CDC14A: variants seen among roughly 807,000 people sequenced by gnomAD.
CDC14A encodes dual specificity protein phosphatase CDC14A.
Under a neutral mutation model 74.4 loss-of-function variants are expected in CDC14A, and 53 were observed. The ratio of observed to expected loss-of-function variants is 0.71; its 90% CI spans 0.57 to 0.89. The LOEUF is 0.89. CDC14A is among the 40% of genes least tolerant of loss of function. The pLI is 0.00. For missense variants in CDC14A, 646 were observed against 713.7 expected (o/e 0.91, Z 1.08); for synonymous variants, 247 against 258.4 (o/e 0.96, Z 0.43).
rs770717274 is a variant in CDC14A, at chr1:100,390,914, A to T, written c.309+90A>T. On this transcript the variant is annotated intron_variant, in intron 4 of 15. Transcript: ENST00000336454. ...AAATCCAAACCAGTTTTTCAGTGGGATTGAGAGACGGTGGAGATTATTAGC... is the reference window on the plus strand; with the variant it reads ...AAATCCAAACCAGTTTTTCAGTGGGTTTGAGAGACGGTGGAGATTATTAGC... 3.4e-6 allele frequency: 3 copies of T among 885,180 alleles called. No individual in the cohort carries two copies. The Admixed American group carries it at 5.7e-5, about 17-fold the overall frequency. The allele number at this position is 885,180 out of a possible 1,614,324, so 54.8% of individuals were successfully genotyped here.
chr1:100,439,491 A>G (rs1664694584), intron 5 of CDC14A, among the ~76,000 whole-genome samples: 1 of 152,218 alleles, frequency 6.6e-6, no homozygotes, highest in South Asian at 2.1e-4. Flanking sequence ...AATAGTCATA[A>G]TATTTATGAA....
intron 3 of CDC14A, among the ~76,000 whole-genome samples, chr1:100,378,772 GT>G (rs1217450516): frequency 6.6e-6 from 1 of 152,118 alleles, no homozygotes; most frequent in Admixed American, 6.5e-5. Flanking sequence ...AATAAAATCT[GT>G]TTTACTCAAC....
intron 11 of CDC14A, chr1:100,485,371 GAAAAA>G (rs1205100302): frequency 4.4e-6 from 4 of 917,712 alleles, no homozygotes; most frequent in Non-Finnish European, 5.2e-6. Context: ...CTCTAAAGGA[GAAAAA>G]AAGAAAAGAA....
intron 7 of CDC14A, among the ~76,000 whole-genome samples, chr1:100,446,212 A>C (rs1665523473): frequency 6.6e-6 from 1 of 152,216 alleles, no homozygotes; most frequent in Non-Finnish European, 1.5e-5. Context: ...GGGATGTTCA[A>C]GATGCAACTT....
chr1:100,423,321 C>T (rs942877297), intron 4 of CDC14A, among the ~76,000 whole-genome samples: 2 of 152,168 alleles, frequency 1.3e-5, no homozygotes, highest in Non-Finnish European at 2.9e-5. Context: ...CTTAGCTCTT[C>T]CTGTGGTTCT....
At chr1:100,499,357 A>C (rs774309258) in intron 15 of CDC14A, 95 bp downstream of exon 15, 1 of 1,613,302 alleles carries the variant, frequency 6.2e-7, no homozygotes, top group South Asian at 1.1e-5. Flanking sequence ...AAGAAATTTA[A>C]TAGTGCCAAG....
chr1:100,470,245 G>A (rs1668260986), intron 10 of CDC14A, among the ~76,000 whole-genome samples: 1 of 152,006 alleles, frequency 6.6e-6, no homozygotes, highest in Non-Finnish European at 1.5e-5. Context: ...ACAAAGTTTA[G>A]TACCCATTTT....
chr1:100,498,859 G>C, intron 14 of CDC14A, 70 bp from the exon 15 acceptor site: 4 of 1,522,170 alleles, frequency 2.6e-6, no homozygotes, highest in Non-Finnish European at 3.5e-6. Flanking sequence ...ATGTGTTTTA[G>C]AAACGTGAGC....
intron 5 of CDC14A, among the ~76,000 whole-genome samples, chr1:100,439,129 TA>T (rs1664648712): frequency 6.6e-6 from 1 of 152,212 alleles, no homozygotes; most frequent in Non-Finnish European, 1.5e-5. Context: ...AAAACTTAAA[TA>T]AAGTATGAAG....
At position 100,520,019 on chromosome 1, in the gene CDC14A, T is replaced by C. The variant is rs1650554368; in HGVS notation, c.*1739T>C. 1 of 152,448 alleles carries C rather than the reference T, an allele frequency of 6.6e-6. No individual in the cohort carries two copies. Among genetic ancestry groups the C allele is most frequent in the Admixed American group, 6.5e-5 (1 of 15,280 alleles). The allele number at this position is 152,448 out of a possible 1,614,324, so 9.4% of individuals were successfully genotyped here. On this transcript the variant is annotated 3_prime_UTR_variant, in exon 16 of 16. Transcript: ENST00000336454. ...AAAGTTGACTACTGTAAATTTCCCATAATTATGTGTGTATATGTGTCATAT... is the reference window on the plus strand; with the variant it reads ...AAAGTTGACTACTGTAAATTTCCCACAATTATGTGTGTATATGTGTCATAT...
At chr1:100,407,513 G>T (rs1660111642) in intron 4 of CDC14A, among the ~76,000 whole-genome samples, 1 of 152,056 alleles carries the variant, frequency 6.6e-6, no homozygotes, top group Non-Finnish European at 1.5e-5. Flanking sequence ...GCCTGTTGTT[G>T]GGGTATAGGA....
Position 100,499,177 on chromosome 1 carries a change from A to G in CDC14A, c.1670A>G (p.Lys557Arg). ...LNSPPGPHSA[K>R]TEEHTTILRP... ...AGCCCCCCAGGCCCCCACAGCGCCA[A>G]GACAGAGGAGCACACCACCATCCTC... The change falls in exon 15 of 16, where the codon AAG becomes AGG. Residue 557 changes from lysine to arginine, a missense_variant. Coordinates refer to ENST00000336454, the MANE Select transcript of CDC14A (RefSeq NM_003672.4). The G allele has an allele frequency of 1.2e-6, 2 of 1,614,146 alleles. No individual in the cohort carries two copies. Among genetic ancestry groups the G allele is most frequent in the Non-Finnish European group, 1.7e-6 (2 of 1,180,012 alleles).
chr1:100,365,866 T>C (rs1406089192), intron 2 of CDC14A, among the ~76,000 whole-genome samples: 2 of 151,722 alleles, frequency 1.3e-5, no homozygotes, highest in Non-Finnish European at 2.9e-5. Flanking sequence ...GGGGTGCGGA[T>C]AGTATTCTAG....
At chr1:100,489,110 T>G (rs1308665257) in intron 11 of CDC14A, among the ~76,000 whole-genome samples, 1 of 152,200 alleles carries the variant, frequency 6.6e-6, no homozygotes, top group Non-Finnish European at 1.5e-5. Flanking sequence ...AACTTTTTAT[T>G]GATCAGAAGC....
intron 4 of CDC14A, among the ~76,000 whole-genome samples, chr1:100,409,273 C>A (rs536979843): frequency 6.6e-6 from 1 of 152,158 alleles, no homozygotes; most frequent in South Asian, 2.1e-4. Flanking sequence ...CACCTCCCAT[C>A]GGGTCCCTCC....
Position 100,454,649 on chromosome 1 carries a change from G to A in CDC14A, c.520-756G>A, listed in dbSNP as rs545446124. ...AACTGGTGCTCAAAGTCAGCCAATG[G>A]GCATGTTTTATTTGGTTTCACAGGA... On this transcript the variant is annotated intron_variant, in intron 7 of 15. Transcript: ENST00000336454. Among the ~76,000 whole-genome samples the A allele has an allele frequency of 1.8e-4, 28 of 152,186 alleles. 1 individual carries two copies. In the South Asian group the frequency reaches 5.6e-3, roughly 30 times the overall value.
In CDC14A at chr1:100,468,103, A is replaced by G. The variant is rs1219050624; in HGVS notation, c.977+9A>G. ...CAGCACTTCCTGGAAGAGTAAGTAT[A>G]TTGTCCCCATTACCACATTATATCC... On this transcript the variant is annotated intron_variant, in intron 10 of 15. Coordinates refer to ENST00000336454, the MANE Select transcript of CDC14A (RefSeq NM_003672.4). The G allele has an allele frequency of 1.9e-6, 3 of 1,613,408 alleles. No homozygotes were observed. The highest frequency in any genetic ancestry group is 2.5e-6 in the Non-Finnish European group (3 of 1,179,796).
intron 6 of CDC14A, 146 bp downstream of exon 6, chr1:100,440,144 T>C (rs1664766452): frequency 1.6e-6 from 1 of 632,366 alleles, no homozygotes; most frequent in Admixed American, 3.1e-5. Context: ...GGATGATTGA[T>C]TTGTAAAATA....
intron 4 of CDC14A, among the ~76,000 whole-genome samples, chr1:100,422,673 A>G (rs1391336442): frequency 1.3e-5 from 2 of 152,000 alleles, no homozygotes; most frequent in Non-Finnish European, 2.9e-5. Context: ...TTTCCTTTCT[A>G]TTGCTTTTTG....
Sources: allele counts gnomAD v4.1 joint callset (sites outside exome capture counted in the v4.1 genomes callset), GRCh38; gene constraint gnomAD v4.1.1; transcripts MANE v1.5; gene names NCBI Gene and HGNC (gene_info 2026-07-23, HGNC 2026-07-21).